ERCC6: variants seen among roughly 807,000 people sequenced by gnomAD.
ERCC6 encodes DNA excision repair protein ERCC-6.
In ERCC6, 116 loss-of-function variants were observed where a neutral mutation model predicts 158.7. The observed-to-expected ratio is 0.73, with a 90% CI of 0.63 to 0.85. ERCC6 has a LOEUF of 0.85. Ranked by LOEUF, ERCC6 falls within the 40% of genes least tolerant of loss-of-function variation. The probability of loss-of-function intolerance (pLI) is 0.00; values close to 1 mark genes in which losing one functional copy is unlikely to be tolerated. For synonymous variants in ERCC6, 678 were observed against 659.3 expected (o/e 1.03, Z -0.43); for missense variants, 1,698 against 1,799.4 (o/e 0.94, Z 1.02).
At chr10:49,451,121 T>C (rs2132517072), downstream of ERCC6, among the ~76,000 whole-genome samples, 1 of 152,012 alleles carries the variant, frequency 6.6e-6, no homozygotes, top group Non-Finnish European at 1.5e-5. Flanking sequence ...CAACTGATTT[T>C]TAAATACTGA....
chr10:49,533,002 C>G (rs764038676), intron 1 of ERCC6, 24 bp from the exon 2 acceptor site: 1 of 1,611,770 alleles, frequency 6.2e-7, no homozygotes, highest in Admixed American at 1.7e-5. Flanking sequence ...AATTTATAAG[C>G]CTTTTCGTTA....
chr10:49,509,886 T>A (rs1054250913), intron 5 of ERCC6, among the ~76,000 whole-genome samples: 3 of 152,208 alleles, frequency 2.0e-5, no homozygotes, highest in Non-Finnish European at 2.9e-5. Flanking sequence ...TAGTCACAGC[T>A]GCAGCCACAT....
Position 49,462,419 on chromosome 10 carries a change from A to G in ERCC6, c.3779-863T>C, listed in dbSNP as rs112571332. Among the ~76,000 whole-genome samples, 536 of 152,302 alleles carry G rather than the reference A, an allele frequency of 3.5e-3. 3 individuals are homozygous for G. Among genetic ancestry groups the G allele is most frequent in the African/African-American group, 0.013 (521 of 41,562 alleles). The stretch of plus-strand genomic sequence containing the variant: ...AACCATACAAGTAGTACAAGAAAAC[A>G]TGGCGAATTATCATATGATCTATAT... On this transcript the variant is annotated intron_variant, in intron 18 of 20. Coordinates refer to ENST00000355832, the MANE Select transcript of ERCC6 (RefSeq NM_000124.4).
At chr10:49,494,232 T>C (rs1013650878) in intron 7 of ERCC6, among the ~76,000 whole-genome samples, 16 of 152,202 alleles carry the variant, frequency 1.1e-4, no homozygotes, top group African/African-American at 3.9e-4. Flanking sequence ...CGTCAGTTTT[T>C]CATTTTCAAA....
At chr10:49,446,444 G>A in the ERCC6 span, among the ~76,000 whole-genome samples, 2 of 151,738 alleles carry the variant, frequency 1.3e-5, no homozygotes, top group African/African-American at 4.8e-5. Context: ...TAGAGGGGAG[G>A]AAGAAACAAT....
Position 49,461,334 on chromosome 10 carries a change from C to T in ERCC6, c.3983+18G>A. 1 of 1,610,946 alleles carries T rather than the reference C, an allele frequency of 6.2e-7. No homozygotes were observed. The highest frequency in any genetic ancestry group is 8.5e-7 in the Non-Finnish European group (1 of 1,178,712). On this transcript the variant is annotated intron_variant, in intron 19 of 20. Coordinates refer to ENST00000355832, the MANE Select transcript of ERCC6 (RefSeq NM_000124.4). ...TTGTTTGGACTCCTTGCAAGTATGG[C>T]ATGCAGCAATCTCTTACTTTTTTCC...
At chr10:49,464,274 C>T (rs1291227237) in intron 18 of ERCC6, among the ~76,000 whole-genome samples, 1 of 152,210 alleles carries the variant, frequency 6.6e-6, no homozygotes, top group Non-Finnish European at 1.5e-5. Context: ...CCCTAGAGAT[C>T]TGTGGAACTT....
chr10:49,524,698 C>T lies in ERCC6; in HGVS notation c.732G>A (p.Gln244=), dbSNP rs770056661. 6.2e-7 allele frequency: 1 copy of T among 1,611,124 alleles called. No individual in the cohort carries two copies. The highest frequency in any genetic ancestry group is 2.2e-5 in the East Asian group (1 of 44,868). ...GGATCTGGGTACCAAAAGGTGTCAT[C>T]TGGCCAGTGCGGATGAGCTCTTCCC... ...TAWEELIRTG[Q]MTPFGTQIPQ... Residue 244 remains glutamine (Q), a synonymous_variant, in exon 5 of 21, where the codon CAG becomes CAA. Coordinates refer to ENST00000355832, the MANE Select transcript of ERCC6 (RefSeq NM_000124.4).
chr10:49,483,908 A>C (rs958948823), intron 8 of ERCC6, among the ~76,000 whole-genome samples: 1 of 152,116 alleles, frequency 6.6e-6, no homozygotes, highest in African/African-American at 2.4e-5. Flanking sequence ...CAAGGCAGAC[A>C]AATCTAGGAT....
intron 4 of ERCC6, among the ~76,000 whole-genome samples, chr10:49,526,426 T>C (rs1311994009): frequency 3.9e-5 from 6 of 152,014 alleles, no homozygotes; most frequent in African/African-American, 1.2e-4. Context: ...CCATTTTTGT[T>C]TGTCTGTTTC....
At chr10:49,511,903 A>G (rs1836825603) in intron 5 of ERCC6, among the ~76,000 whole-genome samples, 1 of 152,226 alleles carries the variant, frequency 6.6e-6, no homozygotes, top group South Asian at 2.1e-4. Flanking sequence ...TTTAGAAAAT[A>G]TAATGTAACA....
In ERCC6 at chr10:49,454,633, C is replaced by G. The variant is rs981141382; in HGVS notation, c.*4182G>C. ...CCTAGGACAGTGGGTCCACAGGGCC[C>G]TTCACATTGCCATTCTGGAAGTGAA... On this transcript the variant is annotated 3_prime_UTR_variant, in exon 21 of 21. Coordinates refer to ENST00000355832, the MANE Select transcript of ERCC6 (RefSeq NM_000124.4). Among the ~76,000 whole-genome samples, 1 of 151,284 alleles carries G rather than the reference C, an allele frequency of 6.6e-6. No homozygotes were observed. Among genetic ancestry groups the G allele is most frequent in the African/African-American group, 2.5e-5 (1 of 40,594 alleles).
At chr10:49,453,610 C>T (rs1390006845), downstream of ERCC6, among the ~76,000 whole-genome samples, 1 of 152,104 alleles carries the variant, frequency 6.6e-6, no homozygotes, top group Non-Finnish European at 1.5e-5. Context: ...ATTGCTTTTA[C>T]TGGTGCTCTT....
chr10:49,485,663 GAA>G (rs1851064357), intron 8 of ERCC6, among the ~76,000 whole-genome samples: 1 of 152,186 alleles, frequency 6.6e-6, no homozygotes, highest in Non-Finnish European at 1.5e-5. Flanking sequence ...AACTATGTGA[GAA>G]AAATATGTTA....
Position 49,456,956 on chromosome 10 carries a change from T to G in ERCC6, c.*1859A>C, listed in dbSNP as rs1274276269. 6.6e-6 allele frequency: 1 copy of G among 152,156 alleles called. No individual in the cohort carries two copies. The highest frequency in any genetic ancestry group is 1.9e-4 in the East Asian group (1 of 5,170). The allele number at this position is 152,156 out of a possible 1,614,324, so 9.4% of individuals were successfully genotyped here. A position where few individuals can be genotyped will look rare whatever the true frequency, so the allele number is the denominator to read the frequency against. On this transcript the variant is annotated 3_prime_UTR_variant, in exon 21 of 21. Coordinates refer to ENST00000355832, the MANE Select transcript of ERCC6 (RefSeq NM_000124.4). ...AAGGACCACCTTGCTCCTACTGCAT[T>G]ATAGCTTTTGATAGTATTTGCTACT...
At chr10:49,530,328 A>C (rs1448485839) in intron 3 of ERCC6, among the ~76,000 whole-genome samples, 1 of 152,222 alleles carries the variant, frequency 6.6e-6, no homozygotes, top group Non-Finnish European at 1.5e-5. Flanking sequence ...CCCCATTATA[A>C]ACTGAGGAGC....
At chr10:49,471,437 C>T (rs1850779186) in intron 16 of ERCC6, among the ~76,000 whole-genome samples, 1 of 152,174 alleles carries the variant, frequency 6.6e-6, no homozygotes, top group South Asian at 2.1e-4. Flanking sequence ...CTCTCTTAGC[C>T]TCCTTGACTT....
At chr10:49,534,632 T>C (rs1174102518) in intron 1 of ERCC6, among the ~76,000 whole-genome samples, 1 of 152,194 alleles carries the variant, frequency 6.6e-6, no homozygotes. Context: ...ATGTTCACAT[T>C]GTACTCCACA....
At position 49,482,382 on chromosome 10, in the gene ERCC6, C is replaced by T. The variant is rs55719105; in HGVS notation, c.2169+305G>A. Among the ~76,000 whole-genome samples, 1,789 of 152,248 alleles carry T rather than the reference C, an allele frequency of 0.012. 41 individuals carry two copies. The highest frequency in any genetic ancestry group is 0.041 in the African/African-American group (1,709 of 41,544). On this transcript the variant is annotated intron_variant, in intron 10 of 20. Coordinates refer to ENST00000355832, the MANE Select transcript of ERCC6 (RefSeq NM_000124.4). ...TCATAATTTCTAACTGCTCTTCTGA[C>T]CACATGTGACATCTTTTTAAACATC...
Sources: gnomAD v4.1 joint callset for allele counts (sites outside exome capture counted in the v4.1 genomes callset) on GRCh38, gnomAD v4.1.1 for gene constraint, MANE v1.5 for transcripts, NCBI Gene and HGNC (gene_info 2026-07-23, HGNC 2026-07-21) for gene names.